PIGL: variants seen among roughly 807,000 people sequenced by gnomAD.
The protein encoded by PIGL is phosphatidylinositol glycan anchor biosynthesis class L, also known as N-acetylglucosaminyl-phosphatidylinositol de-N-acetylase.
In PIGL, 22 loss-of-function variants were observed where a neutral mutation model predicts 31.1. That is an observed-to-expected ratio of 0.71 (90% CI 0.51 to 1.01). The LOEUF (loss-of-function observed/expected upper bound fraction) is 1.01, where lower values mean the gene tolerates loss of function less well. Among genes scored for constraint, PIGL ranks in the 50% least tolerant of loss-of-function variants. The pLI is 0.00. For missense variants in PIGL, 302 were observed against 315.9 expected, an observed-to-expected ratio of 0.96 and a Z score of 0.33; for synonymous variants, 131 against 117.4, an observed-to-expected ratio of 1.12 and a Z score of -0.75.
At chr17:16,325,501 G>GT (rs1332179143) in intron 6 of PIGL, among the ~76,000 whole-genome samples, 1 of 152,064 alleles carries the variant, frequency 6.6e-6, no homozygotes, top group Admixed American at 6.6e-5. Context: ...TCACAGGGTT[G>GT]TTAACATTGA....
intron 3 of PIGL, among the ~76,000 whole-genome samples, chr17:16,311,944 T>A (rs1444394478): frequency 2.0e-5 from 3 of 152,146 alleles, no homozygotes; most frequent in African/African-American, 7.2e-5. Context: ...GCCATCGTCA[T>A]CATGGCCCGT....
intron 2 of PIGL, among the ~76,000 whole-genome samples, chr17:16,290,831 ACCACT>A (rs1291252893): frequency 2.6e-5 from 4 of 151,334 alleles, no homozygotes; most frequent in African/African-American, 9.7e-5. Context: ...CACACATGCC[ACCACT>A]CTCAGCTAAT....
chr17:16,250,931 A>G (rs1030105123), intron 2 of PIGL, among the ~76,000 whole-genome samples: 1 of 152,202 alleles, frequency 6.6e-6, no homozygotes, highest in African/African-American at 2.4e-5. Context: ...AGGCAGTCTC[A>G]TTTAATTCTT....
intron 1 of PIGL, among the ~76,000 whole-genome samples, chr17:16,227,147 C>T (rs1046180705): frequency 6.6e-6 from 1 of 151,172 alleles, no homozygotes; most frequent in Non-Finnish European, 1.5e-5. Context: ...CTCCCTCTGT[C>T]ACCCAGGCTG....
chr17:16,240,037 G>A lies in PIGL; in HGVS notation c.335+5967G>A, dbSNP rs183660074. ...GTAATCCTAACATTGGAGGTGGGGC[G>A]TTGGATCAGTAGGAGGTGATTGGAT... On this transcript the variant is annotated intron_variant, in intron 2 of 6. Transcript: ENST00000225609. Among the ~76,000 whole-genome samples, 52 of 152,284 alleles carry A rather than the reference G, an allele frequency of 3.4e-4. No homozygotes were observed. In the South Asian group the frequency reaches 7.0e-3, roughly 21 times the overall value.
rs1256190368 is a variant in PIGL, at chr17:16,283,509, A to G, written c.336-16379A>G. On this transcript the variant is annotated intron_variant, in intron 2 of 6. Transcript: ENST00000225609. Reference sequence around the variant, plus strand: ...TTCTGAGGAGCCATGCTCATTCAAGACTCACTGCTCTTAGAAGAGGTGTTA... The same window carrying G: ...TTCTGAGGAGCCATGCTCATTCAAGGCTCACTGCTCTTAGAAGAGGTGTTA... Among the ~76,000 whole-genome samples the G allele has an allele frequency of 2.0e-5, 3 of 151,930 alleles. 1 individual carries two copies. Among genetic ancestry groups the G allele is most frequent in the South Asian group, 4.2e-4 (2 of 4,818 alleles).
intron 2 of PIGL, 109 bp from the exon 3 acceptor site, chr17:16,299,779 C>G (rs554350848): frequency 6.4e-4 from 500 of 780,418 alleles, no homozygotes; most frequent in Non-Finnish European, 9.4e-4. Context: ...GGGCAGGGAC[C>G]CTTACCCCCA....
intron 1 of PIGL, among the ~76,000 whole-genome samples, chr17:16,229,269 C>A (rs1367011166): frequency 6.6e-6 from 1 of 151,324 alleles, no homozygotes; most frequent in Non-Finnish European, 1.5e-5. Flanking sequence ...AGAGCAAGTC[C>A]CTGTCTCAAA....
chr17:16,270,503 T>G lies in PIGL; in HGVS notation c.336-29385T>G, dbSNP rs1051643902. ...TGTGATCCCACAATTAATTTCAAAT[T>G]TATTAAATAGAACCTGAGAAAAAAT... On this transcript the variant is annotated intron_variant, in intron 2 of 6. Transcript: ENST00000225609. Among the ~76,000 whole-genome samples, 42 of 152,024 alleles carry G rather than the reference T, an allele frequency of 2.8e-4. 1 individual carries two copies. Among genetic ancestry groups the G allele is most frequent in the Non-Finnish European group, 4.3e-4 (29 of 67,994 alleles).
chr17:16,232,203 G>A (rs891174802), intron 1 of PIGL, among the ~76,000 whole-genome samples: 6 of 152,106 alleles, frequency 3.9e-5, no homozygotes, highest in African/African-American at 1.4e-4. Context: ...GCTTGCACCT[G>A]AGAGGCGGAG....
chr17:16,224,659 A>G (rs1051222059), intron 1 of PIGL, among the ~76,000 whole-genome samples: 1 of 151,454 alleles, frequency 6.6e-6, no homozygotes, highest in African/African-American at 2.4e-5. Flanking sequence ...AATCTTGCTG[A>G]CATTTTTTCC....
intron 2 of PIGL, among the ~76,000 whole-genome samples, chr17:16,259,454 T>A (rs1049552136): frequency 1.3e-5 from 2 of 151,956 alleles, no homozygotes; most frequent in African/African-American, 4.8e-5. Context: ...GAGGATCATT[T>A]GAACCTAGGG....
At chr17:16,318,723 G>A (rs531476424) in intron 6 of PIGL, among the ~76,000 whole-genome samples, 1 of 151,492 alleles carries the variant, frequency 6.6e-6, no homozygotes, top group South Asian at 2.1e-4. Flanking sequence ...ACGAGGTCAG[G>A]GGTTCAAGAC....
At chr17:16,218,880 T>G (rs1396878178) in intron 1 of PIGL, among the ~76,000 whole-genome samples, 1 of 151,844 alleles carries the variant, frequency 6.6e-6, no homozygotes, top group African/African-American at 2.4e-5. Context: ...GGTTTCACCA[T>G]GTTAGCCAGG....
chr17:16,257,084 A>C (rs1187566250), intron 2 of PIGL, among the ~76,000 whole-genome samples: 2 of 152,134 alleles, frequency 1.3e-5, no homozygotes, highest in African/African-American at 4.8e-5. Flanking sequence ...TAGCCTGGAC[A>C]ACAGAGATCC....
intron 2 of PIGL, among the ~76,000 whole-genome samples, chr17:16,252,308 G>A (rs535355551): frequency 3.3e-5 from 5 of 151,910 alleles, no homozygotes; most frequent in Admixed American, 6.6e-5. Flanking sequence ...TCTTGACCTC[G>A]TGGTCCACCC....
At chr17:16,310,091 A>G (rs1271198768) in intron 3 of PIGL, among the ~76,000 whole-genome samples, 5 of 151,540 alleles carry the variant, frequency 3.3e-5, no homozygotes, top group African/African-American at 9.7e-5. Flanking sequence ...AAAAAAAAAA[A>G]AAAAGAAAGA....
chr17:16,237,923 C>T (rs1160442060), intron 2 of PIGL, among the ~76,000 whole-genome samples: 2 of 150,628 alleles, frequency 1.3e-5, no homozygotes, highest in Non-Finnish European at 3.0e-5. Flanking sequence ...CAGGGCCGGG[C>T]GCATTGGCTC....
intron 2 of PIGL, among the ~76,000 whole-genome samples, chr17:16,246,058 T>C (rs1408342930): frequency 6.7e-6 from 1 of 150,104 alleles, no homozygotes; most frequent in African/African-American, 2.4e-5. Flanking sequence ...CTACTGACCT[T>C]GTGATCCACC....
Sources: allele counts gnomAD v4.1 joint callset (sites outside exome capture counted in the v4.1 genomes callset), GRCh38; gene constraint gnomAD v4.1.1; transcripts MANE v1.5; gene names NCBI Gene and HGNC (gene_info 2026-07-23, HGNC 2026-07-21).